The following PPP2R2D variants were observed in gnomAD, a reference collection of about 807,000 sequenced individuals.
PPP2R2D encodes the protein serine/threonine-protein phosphatase 2A 55 kDa regulatory subunit B delta isoform.
Under a neutral mutation model 31.1 loss-of-function variants are expected in PPP2R2D, and 9 were observed. The observed-to-expected ratio is 0.29, with a 90% confidence interval of 0.17 to 0.51. The LOEUF (loss-of-function observed/expected upper bound fraction) is 0.51. Among genes scored for constraint, PPP2R2D ranks in the 20% least tolerant of loss-of-function variants. The pLI, the probability that PPP2R2D is intolerant of heterozygous loss-of-function variation, is 0.98. For missense variants in PPP2R2D, 391 were observed against 465.6 expected (o/e 0.84, Z 1.48); for synonymous variants, 179 against 172.6 (o/e 1.04, Z -0.29).
chr10:131,953,173 G>GGGTTCACTGTCTTAGTGACTTGCGGC (rs2036715766), intron 8 of PPP2R2D, among the ~76,000 whole-genome samples: 1 of 108,496 alleles, frequency 9.2e-6, no homozygotes, highest in Non-Finnish European at 1.8e-5. Flanking sequence ...TGACTTGCGG[G>GGGTTCACTGTCTTAGTGACTTGCGGC]TGTGCGGGGG....
intron 2 of PPP2R2D, among the ~76,000 whole-genome samples, chr10:131,928,076 T>G (rs2036140956): frequency 1.3e-5 from 2 of 152,220 alleles, no homozygotes; most frequent in African/African-American, 2.4e-5. Flanking sequence ...CGTGGATACC[T>G]GGAAAAGTCA....
chr10:131,918,296 C>T (rs868988378), intron 2 of PPP2R2D, among the ~76,000 whole-genome samples: 3 of 133,180 alleles, frequency 2.3e-5, no homozygotes, highest in Admixed American at 7.7e-5. Flanking sequence ...TGGAATGACA[C>T]GGTGTAGGGA....
intron 2 of PPP2R2D, among the ~76,000 whole-genome samples, chr10:131,921,271 T>C (rs1300350609): frequency 6.6e-6 from 1 of 152,200 alleles, no homozygotes; most frequent in Non-Finnish European, 1.5e-5. Flanking sequence ...TTTGCTGACG[T>C]GCAGGGAGTG....
At position 131,940,150 on chromosome 10, in the gene PPP2R2D, G is replaced by A; in HGVS notation, c.318G>A (p.Arg106=). ...TTGAGGAAAAAATTAATAAAATTAG[G>A]TGGTTACCACAACAGAATGCTGCTC... ...LEIEEKINKI[R]WLPQQNAAHF... Residue 106 remains arginine, a synonymous_variant, in exon 4 of 9, where the codon AGG becomes AGA. Transcript: ENST00000455566. 1.3e-6 allele frequency: 1 copy of A among 776,708 alleles called. No homozygotes were observed. The highest frequency in any genetic ancestry group is 1.4e-5 in the South Asian group (1 of 73,820). The allele number at this position is 776,708 out of a possible 1,614,324, so 48.1% of individuals were successfully genotyped here. A position where few individuals can be genotyped will look rare whatever the true frequency, so the allele number is the denominator to read the frequency against.
intron 2 of PPP2R2D, among the ~76,000 whole-genome samples, chr10:131,915,109 T>C (rs1189705659): frequency 1.3e-5 from 2 of 151,930 alleles, no homozygotes. Context: ...TTAATTTCAA[T>C]AGTTCTGTTC....
chr10:131,947,824 A>C lies in PPP2R2D; in HGVS notation c.1082+33A>C. Reference sequence around the variant, plus strand: ...CTGCGTGGAGATGAGCTGTCGCCCCAAGCTTGCTGGTTTCCGAGAGTGCAA... The same window carrying C: ...CTGCGTGGAGATGAGCTGTCGCCCCCAGCTTGCTGGTTTCCGAGAGTGCAA... On this transcript the variant is annotated intron_variant, in intron 8 of 8. Coordinates refer to ENST00000455566, the MANE Select transcript of PPP2R2D (RefSeq NM_018461.5). This position sits in a 1 kb window ranked among gnomAD's most constrained non-coding sequence, Gnocchi z 4.3. The C allele has an allele frequency of 6.2e-7, 1 of 1,600,718 alleles. No individual in the cohort carries two copies. The highest frequency in any genetic ancestry group is 1.3e-5 in the African/African-American group (1 of 74,786).
rs1387242063 is a variant in PPP2R2D at position 131,938,309 on chromosome 10, A to G, written c.199-1722A>G. 6.6e-5 allele frequency among the ~76,000 whole-genome samples: 10 copies of G among 152,340 alleles called. 1 individual carries two copies. The South Asian group carries it at 1.7e-3, about 25-fold the overall frequency. On this transcript the variant is annotated intron_variant, in intron 3 of 8. Coordinates refer to ENST00000455566, the MANE Select transcript of PPP2R2D (RefSeq NM_018461.5). ...TACTAAAGTGTTAAACACCTAAGATATTAGATATTGGTTATAGAGCAAGAA... is the reference window on the plus strand; with the variant it reads ...TACTAAAGTGTTAAACACCTAAGATGTTAGATATTGGTTATAGAGCAAGAA...
At position 131,957,354 on chromosome 10, in the gene PPP2R2D, C is replaced by T; in HGVS notation, c.*1391C>T. The T allele has an allele frequency of 1.9e-5, 4 of 205,900 alleles. No individual in the cohort carries two copies. Among genetic ancestry groups the T allele is most frequent in the South Asian group, 1.2e-4 (2 of 16,866 alleles). The allele number at this position is 205,900 out of a possible 1,614,324, so 12.8% of individuals were successfully genotyped here. ...GGAGAAGGAGGTGTGTGCTGATCCC[C>T]TGTGCCCTGTGGAGATGGAGGTGTG... On this transcript the variant is annotated 3_prime_UTR_variant, in exon 9 of 9. Transcript: ENST00000455566.
intron 2 of PPP2R2D, among the ~76,000 whole-genome samples, chr10:131,921,789 G>A (rs1445404782): frequency 1.3e-5 from 2 of 152,170 alleles, no homozygotes; most frequent in African/African-American, 4.8e-5. Flanking sequence ...CCTGTCGTTG[G>A]TGGTTATAAA....
At chr10:131,961,233 C>G (rs2036915374), downstream of PPP2R2D, among the ~76,000 whole-genome samples, 2 of 152,228 alleles carry the variant, frequency 1.3e-5, no homozygotes, top group Non-Finnish European at 2.9e-5. Flanking sequence ...GGGTCCCGTC[C>G]TCCGAGGGGG....
chr10:131,956,993 C>T lies in PPP2R2D; in HGVS notation c.*1030C>T, dbSNP rs2036810130. The T allele has an allele frequency of 6.6e-6, 1 of 152,388 alleles. No individual in the cohort carries two copies. The highest frequency in any genetic ancestry group is 1.9e-4 in the East Asian group (1 of 5,192). 9.4% of individuals were successfully genotyped at this position (152,388 alleles called of 1,614,324 possible). On this transcript the variant is annotated 3_prime_UTR_variant, in exon 9 of 9. Transcript: ENST00000455566. ...CAGCAAAATTAAGCAATTTTAATTA[C>T]ACGATGCCACCAGTACGTTGGTTTA...
intron 2 of PPP2R2D, among the ~76,000 whole-genome samples, chr10:131,930,662 A>C (rs1481903163): frequency 6.6e-6 from 1 of 152,116 alleles, no homozygotes; most frequent in Non-Finnish European, 1.5e-5. Flanking sequence ...TCCTCTCCGC[A>C]TGTGACCTGT....
rs1276814751 is a variant in PPP2R2D, at chr10:131,958,364, G to A, written c.*2401G>A. 5.3e-6 allele frequency: 1 copy of A among 187,362 alleles called. No individual in the cohort carries two copies. Among genetic ancestry groups the A allele is most frequent in the Middle Eastern group, 2.3e-3 (1 of 440 alleles). 11.6% of individuals were successfully genotyped at this position (187,362 alleles called of 1,614,324 possible). On this transcript the variant is annotated 3_prime_UTR_variant, in exon 9 of 9. Coordinates refer to ENST00000455566, the MANE Select transcript of PPP2R2D (RefSeq NM_018461.5). ...GTGTGCTGATCCCCCGTCTTCCTGT[G>A]GAGATGAAGGTGTGTGCTGATTCCT...
chr10:131,942,472 A>G (rs558660723), intron 5 of PPP2R2D, among the ~76,000 whole-genome samples: 4 of 152,228 alleles, frequency 2.6e-5, no homozygotes, highest in Non-Finnish European at 4.4e-5. Context: ...AGAGTGGGCT[A>G]TTTATGTATC....
chr10:131,905,738 G>C (rs1222598055), intron 2 of PPP2R2D, among the ~76,000 whole-genome samples: 4 of 152,294 alleles, frequency 2.6e-5, no homozygotes, highest in African/African-American at 9.6e-5. Flanking sequence ...CGAGTGTATG[G>C]CAGGGCCAGG....
At chr10:131,925,403 A>G (rs1554894780) in intron 2 of PPP2R2D, among the ~76,000 whole-genome samples, 1 of 152,204 alleles carries the variant, frequency 6.6e-6, no homozygotes, top group Non-Finnish European at 1.5e-5. Flanking sequence ...TGAGATGACC[A>G]TGTGGTCTTT....
At position 131,934,438 on chromosome 10, in the gene PPP2R2D, C is replaced by T. The variant is rs979778356; in HGVS notation, c.101-20C>T. 10 of 766,258 alleles carry T rather than the reference C, an allele frequency of 1.3e-5. No individual in the cohort carries two copies. The highest frequency in any genetic ancestry group is 2.4e-5 in the Non-Finnish European group (10 of 413,180). The allele number at this position is 766,258 out of a possible 1,614,324, so 47.5% of individuals were successfully genotyped here. On this transcript the variant is annotated intron_variant, in intron 2 of 8. Coordinates refer to ENST00000455566, the MANE Select transcript of PPP2R2D (RefSeq NM_018461.5). ...CCCCAAAACCGCATCCGGTAAATCG[C>T]TTCTGTATTTTGTTGACAGCGGACA...
At chr10:131,925,419 T>C (rs139810947) in intron 2 of PPP2R2D, among the ~76,000 whole-genome samples, 2 of 152,374 alleles carry the variant, frequency 1.3e-5, no homozygotes, top group Admixed American at 1.3e-4. Context: ...TCTTTGTCCT[T>C]TAATGTTATT....
chr10:131,935,620 T>C (rs782382694), intron 3 of PPP2R2D, among the ~76,000 whole-genome samples: 12 of 152,252 alleles, frequency 7.9e-5, no homozygotes, highest in Non-Finnish European at 1.5e-4. Context: ...TAGTTAAAGA[T>C]TTTTTTAAAT....
Sources: gnomAD v4.1 joint callset for allele counts (sites outside exome capture counted in the v4.1 genomes callset) on GRCh38, gnomAD v4.1.1 for gene constraint, Gnocchi (gnomAD v3.1) non-coding constraint, MANE v1.5 for transcripts, NCBI Gene and HGNC (gene_info 2026-07-23, HGNC 2026-07-21) for gene names.